RGS6: variants seen among roughly 807,000 people sequenced by gnomAD.
RGS6 encodes regulator of G protein signaling 6.
A neutral mutation model predicts 78.5 loss-of-function variants in RGS6; 30 were observed. The ratio of observed to expected loss-of-function variants is 0.38; its 90% CI spans 0.29 to 0.52. RGS6 has a LOEUF of 0.52. Among genes scored for constraint, RGS6 ranks in the 20% least tolerant of loss-of-function variants. RGS6 has a pLI of 0.85. For missense variants in RGS6, 495 were observed against 609.7 expected (o/e 0.81, Z 1.98); for synonymous variants, 206 against 206.0 (o/e 1.00, Z 0.00).
intron 17 of RGS6, among the ~76,000 whole-genome samples, chr14:72,543,333 A>G (rs951693477): frequency 6.6e-6 from 1 of 152,184 alleles, no homozygotes; most frequent in Non-Finnish European, 1.5e-5. Context: ...GCCACTGTAC[A>G]TGGCCACCCT....
intron 1 of RGS6, among the ~76,000 whole-genome samples, chr14:71,938,686 C>A (rs1283764552): frequency 6.6e-6 from 1 of 152,146 alleles, no homozygotes; most frequent in Non-Finnish European, 1.5e-5. Context: ...CACGTATATA[C>A]CACTTCCATT....
chr14:72,193,191 G>A (rs964497349), intron 2 of RGS6, among the ~76,000 whole-genome samples: 2 of 151,970 alleles, frequency 1.3e-5, no homozygotes, highest in Admixed American at 6.6e-5. Context: ...GTGGGGTTTC[G>A]CCATGTTGGC....
the RGS6 span, among the ~76,000 whole-genome samples, chr14:71,919,599 A>G: frequency 2.0e-5 from 3 of 152,210 alleles, no homozygotes; most frequent in African/African-American, 7.2e-5. Context: ...TAAAGCCTGC[A>G]CATGTGTGTG....
At chr14:72,052,571 C>T (rs1596652403) in intron 2 of RGS6, among the ~76,000 whole-genome samples, 2 of 152,268 alleles carry the variant, frequency 1.3e-5, no homozygotes, top group African/African-American at 2.4e-5. Context: ...GACCAGCAGT[C>T]GGAATCTTCC....
chr14:72,580,980 T>C, the RGS6 span, among the ~76,000 whole-genome samples: 1 of 152,234 alleles, frequency 6.6e-6, no homozygotes, highest in Non-Finnish European at 1.5e-5. Context: ...CCCTTCTCTT[T>C]AGTTCACAGG....
At chr14:72,515,516 A>C (rs1192266636) in intron 14 of RGS6, among the ~76,000 whole-genome samples, 1 of 152,186 alleles carries the variant, frequency 6.6e-6, no homozygotes, top group East Asian at 1.9e-4. Flanking sequence ...AAATGCAAAA[A>C]TTAGCTGAGC....
chr14:72,178,741 G>A (rs149654), intron 2 of RGS6, among the ~76,000 whole-genome samples: 110,596 of 152,138 alleles, frequency 0.73, 40,370 homozygotes, highest in East Asian at 0.91. Context: ...TTGCAGGGTC[G>A]TGGACTATGA....
intron 2 of RGS6, among the ~76,000 whole-genome samples, chr14:72,174,702 C>A (rs766237967): frequency 6.6e-6 from 1 of 152,150 alleles, no homozygotes; most frequent in Non-Finnish European, 1.5e-5. Flanking sequence ...AGCCTCCCAA[C>A]TACCCACAGA....
chr14:72,387,528 G>A (rs1023959978), intron 3 of RGS6, among the ~76,000 whole-genome samples: 17 of 150,800 alleles, frequency 1.1e-4, no homozygotes, highest in Non-Finnish European at 1.9e-4. Context: ...CAGCCTGGGT[G>A]ACAGAGCGAG....
the RGS6 span, among the ~76,000 whole-genome samples, chr14:71,927,004 C>A: frequency 1.3e-5 from 2 of 152,188 alleles, no homozygotes; most frequent in Non-Finnish European, 2.9e-5. Context: ...TCAAGGAGAC[C>A]TGTCCTCTTT....
chr14:71,881,740 C>G, the RGS6 span, among the ~76,000 whole-genome samples: 1 of 152,156 alleles, frequency 6.6e-6, no homozygotes, highest in Non-Finnish European at 1.5e-5. Flanking sequence ...TGAGAATGGA[C>G]TAATACAGCT....
downstream of RGS6, among the ~76,000 whole-genome samples, chr14:72,568,089 G>A (rs1465173599): frequency 3.3e-5 from 5 of 152,170 alleles, no homozygotes; most frequent in Admixed American, 6.5e-5. Flanking sequence ...GCTCTTCCTC[G>A]CTTGAAGTGT....
At chr14:72,609,232 C>A in the RGS6 span, among the ~76,000 whole-genome samples, 4 of 152,150 alleles carry the variant, frequency 2.6e-5, no homozygotes, top group East Asian at 1.9e-4. Flanking sequence ...AAGAAGGCTG[C>A]TCGATCCCCA....
intron 2 of RGS6, among the ~76,000 whole-genome samples, chr14:72,079,134 CCTAA>C (rs1282752424): frequency 3.9e-5 from 6 of 152,108 alleles, no homozygotes; most frequent in African/African-American, 1.4e-4. Flanking sequence ...ATGAATTCTC[CCTAA>C]CTGAGAGAGG....
intron 2 of RGS6, among the ~76,000 whole-genome samples, chr14:72,094,191 A>G (rs1181749074): frequency 2.0e-5 from 3 of 152,198 alleles, no homozygotes; most frequent in African/African-American, 7.2e-5. Flanking sequence ...TGTAAAGCAA[A>G]GTGTTTCTTT....
chr14:72,001,895 C>CTTTT lies in RGS6; in HGVS notation c.84+37042_84+37045dup, dbSNP rs59274317. Among the ~76,000 whole-genome samples, 182 of 92,514 alleles carry CTTTT rather than the reference C, an allele frequency of 2.0e-3. 4 individuals are homozygous for CTTTT. The highest frequency in any genetic ancestry group is 2.2e-3 in the Non-Finnish European group (113 of 51,126). 60.7% of individuals were successfully genotyped at this position (92,514 alleles called of 152,430 possible). ...TTGAAGTGTTTAGACATCCATTAAT[C>CTTTT]TTTTTTTTTTTTTTTTTTTTTTTTT... On this transcript the variant is annotated intron_variant, in intron 2 of 17. Transcript: ENST00000553525.
intron 2 of RGS6, among the ~76,000 whole-genome samples, chr14:72,248,353 A>G (rs978258271): frequency 9.9e-5 from 15 of 152,180 alleles, no homozygotes; most frequent in African/African-American, 3.6e-4. Flanking sequence ...CTTCTCATGG[A>G]GTTTTTTGTT....
chr14:72,310,853 A>G (rs1469611826), intron 2 of RGS6, among the ~76,000 whole-genome samples: 3 of 152,230 alleles, frequency 2.0e-5, no homozygotes, highest in Non-Finnish European at 2.9e-5. Flanking sequence ...AGCTTCTCCC[A>G]CAATAGTCAG....
At chr14:72,146,675 A>G (rs1034176776) in intron 2 of RGS6, among the ~76,000 whole-genome samples, 1 of 152,248 alleles carries the variant, frequency 6.6e-6, no homozygotes, top group African/African-American at 2.4e-5. Context: ...AACAACATAA[A>G]GTCGTAAATC....
Sources: gnomAD v4.1 joint callset for allele counts (sites outside exome capture counted in the v4.1 genomes callset) on GRCh38, gnomAD v4.1.1 for gene constraint, MANE v1.5 for transcripts, NCBI Gene and HGNC (gene_info 2026-07-23, HGNC 2026-07-21) for gene names.